Variants in MUC4 observed in about 807,000 individuals in gnomAD.
MUC4 encodes the protein mucin-4.
A neutral mutation model predicts 257.9 loss-of-function variants in MUC4; 202 were observed. That is an observed-to-expected ratio of 0.78 (90% CI 0.70 to 0.88). The LOEUF is 0.88. Ranked by LOEUF, MUC4 falls within the 40% of genes least tolerant of loss-of-function variation. MUC4 has a pLI of 0.00. For missense variants in MUC4, 5,976 were observed against 6,513.7 expected (o/e 0.92, Z 2.84); for synonymous variants, 2,351 against 2,757.1 (o/e 0.85, Z 4.62).
At chr3:195,794,017 A>G (rs1734217443) in intron 1 of MUC4, among the ~76,000 whole-genome samples, 1 of 151,754 alleles carries the variant, frequency 6.6e-6, no homozygotes, top group African/African-American at 2.4e-5. Flanking sequence ...CCAAGGTGGG[A>G]GGATCACTCG....
intron 7 of MUC4, among the ~76,000 whole-genome samples, chr3:195,767,847 T>TCACCACCACCAC (rs1721750041): frequency 2.2e-5 from 1 of 45,926 alleles, no homozygotes; most frequent in Non-Finnish European, 4.7e-5. Context: ...ACCACCACCA[T>TCACCACCACCAC]CGCCACCATC....
intron 15 of MUC4, 137 bp downstream of exon 15, chr3:195,761,347 G>C (rs1718858626): frequency 1.2e-6 from 1 of 813,252 alleles, no homozygotes; most frequent in African/African-American, 1.7e-5. Context: ...TGGTGGTGGG[G>C]ACAGCCCTGG....
rs1553558716 is a variant in MUC4 at position 195,782,299 on chromosome 3, A to C, written c.9281T>G (p.Leu3094Arg). Reference sequence around the variant, plus strand: ...GGTGTCACCTGTGGATACTGAGGAAAGGCTGGTGACAGGAAGAGGGGTGGC... The same window carrying C: ...GGTGTCACCTGTGGATACTGAGGAACGGCTGGTGACAGGAAGAGGGGTGGC... ...GHATPLPVTS[L>R]SSVSTGDTTP... Residue 3094 changes from leucine to arginine, a missense_variant, in exon 2 of 25, where the codon CTT becomes CGT. Leu to Arg is a moderately radical substitution (Grantham distance 102, BLOSUM62 -2). This residue lies in a region of MUC4 where 52 missense variants were observed against 102.2 expected (regional missense o/e 0.51). Coordinates refer to ENST00000463781, the MANE Select transcript of MUC4 (RefSeq NM_018406.7). 1.3e-4 allele frequency: 184 copies of C among 1,393,644 alleles called. 1 individual carries two copies. The highest frequency in any genetic ancestry group is 1.6e-4 in the Non-Finnish European group (168 of 1,064,418). The allele number at this position is 1,393,644 out of a possible 1,614,324, so 86.3% of individuals were successfully genotyped here.
At chr3:195,776,063 T>C in intron 3 of MUC4, among the ~76,000 whole-genome samples, 1 of 31,874 alleles carries the variant, frequency 3.1e-5, no homozygotes, top group Admixed American at 2.5e-4. Flanking sequence ...ACCCATACCT[T>C]CCACACCCTT....
At chr3:195,797,860 C>T (rs940744085) in intron 1 of MUC4, among the ~76,000 whole-genome samples, 2 of 152,048 alleles carry the variant, frequency 1.3e-5, no homozygotes, top group Admixed American at 1.3e-4. Flanking sequence ...AATCCCAGTG[C>T]TTTGAGAGGC....
chr3:195,781,612 G>C lies in MUC4; in HGVS notation c.9968C>G (p.Thr3323Arg), dbSNP rs1728089695. Residue 3323 changes from threonine (T) to arginine (R), a missense_variant, in exon 2 of 25, where the codon ACA becomes AGA. Physicochemically the swap from Thr to Arg is moderately conservative, Grantham distance 71. Transcript: ENST00000463781. ...GACATGAAGAGGGGTGGCGTGACCT[G>C]TGGATGCTGAGGAAGCGTCGGTGAC... ...LLVTDASSAS[T>R]GHATPLHVTS... 1 of 535,866 alleles carries C rather than the reference G, an allele frequency of 1.9e-6. No individual in the cohort carries two copies. Among genetic ancestry groups the C allele is most frequent in the South Asian group, 3.2e-5 (1 of 30,868 alleles). 33.2% of individuals were successfully genotyped at this position (535,866 alleles called of 1,614,324 possible). A position where few individuals can be genotyped will look rare whatever the true frequency, so the allele number is the denominator to read the frequency against.
chr3:195,759,222 T>G lies in MUC4; in HGVS notation c.14888A>C (p.Glu4963Ala), dbSNP rs1227317119. ...PPSINGGRVIEAYKGQTTLIQ... is the reference protein window; with the variant it reads ...PPSINGGRVIAAYKGQTTLIQ... ...CAGCGTGGTCTGCCCCTTGTAGGCTTCAATCACACGACCACCATTGATGGA... is the reference window on the plus strand; with the variant it reads ...CAGCGTGGTCTGCCCCTTGTAGGCTGCAATCACACGACCACCATTGATGGA... The change falls in exon 17 of 25, where the codon GAA (glutamate) becomes GCA (alanine). Residue 4963 changes from glutamate (E) to alanine (A), a missense_variant. This residue lies in a region of MUC4 where 996 missense variants were observed against 1,137.3 expected (regional missense o/e 0.88). Coordinates refer to ENST00000463781, the MANE Select transcript of MUC4 (RefSeq NM_018406.7). The G allele has an allele frequency of 1.2e-6, 2 of 1,614,060 alleles. No individual in the cohort carries two copies. The highest frequency in any genetic ancestry group is 1.7e-6 in the Non-Finnish European group (2 of 1,179,990).
In MUC4 at chr3:195,755,315, C is replaced by T. The variant is rs1479490011; in HGVS notation, c.15169-943G>A. Among the ~76,000 whole-genome samples, 1 of 152,078 alleles carries T rather than the reference C, an allele frequency of 6.6e-6. No individual in the cohort carries two copies. The highest frequency in any genetic ancestry group is 1.5e-5 in the Non-Finnish European group (1 of 68,024). On this transcript the variant is annotated intron_variant, in intron 18 of 24. Coordinates refer to ENST00000463781, the MANE Select transcript of MUC4 (RefSeq NM_018406.7). This position sits in a 1 kb window ranked among gnomAD's most constrained non-coding sequence, Gnocchi z 5.0. ...AGTTAAAGCAATTCTTGTGCCTCAG[C>T]CTCCCAAATACTTGAGATTACAGGC...
chr3:195,781,587 G>T lies in MUC4; in HGVS notation c.9993C>A (p.Val3331=), dbSNP rs776244635. 55 of 556,660 alleles carry T rather than the reference G, an allele frequency of 9.9e-5. 1 individual carries two copies. The highest frequency in any genetic ancestry group is 1.4e-4 in the Non-Finnish European group (55 of 398,496). The allele number at this position is 556,660 out of a possible 1,614,324, so 34.5% of individuals were successfully genotyped here. A position where few individuals can be genotyped will look rare whatever the true frequency, so the allele number is the denominator to read the frequency against. The change falls in exon 2 of 25, where the codon GTC becomes GTA. Residue 3331 remains valine, a synonymous_variant. Coordinates refer to ENST00000463781, the MANE Select transcript of MUC4 (RefSeq NM_018406.7). ...CTGTGGATGCTGAGGAAGGGCTGGT[G>T]ACATGAAGAGGGGTGGCGTGACCTG... ...ASTGHATPLH[V]TSPSSASTGD... is the part of the protein sequence containing the mutation.
At chr3:195,800,129 T>C (rs1191242721) in intron 1 of MUC4, among the ~76,000 whole-genome samples, 2 of 151,990 alleles carry the variant, frequency 1.3e-5, no homozygotes, top group African/African-American at 4.8e-5. Context: ...AATACAAAAA[T>C]TACCCAGGCA....
At chr3:195,760,363 T>C (rs1718511932) in intron 16 of MUC4, among the ~76,000 whole-genome samples, 1 of 152,124 alleles carries the variant, frequency 6.6e-6, no homozygotes, top group Admixed American at 6.5e-5. Flanking sequence ...AGGAAGGGTA[T>C]TCCAGGCAAG....
Position 195,786,317 on chromosome 3 carries a change from T to G in MUC4, c.5263A>C (p.Thr1755Pro). The change falls in exon 2 of 25, where the codon ACA (threonine) becomes CCA (proline). Residue 1755 changes from threonine (T) to proline (P), a missense_variant. By Grantham distance (38) the Thr-to-Pro change is conservative. Coordinates refer to ENST00000463781, the MANE Select transcript of MUC4 (RefSeq NM_018406.7). ...ACAGGAAGAGGGGTGGCCTGACCTG[T>G]GGATGCTGAGGAAGCGTCAGTGACA... ...LLVTDASSAS[T>P]GQATPLPVTD... 1.3e-6 allele frequency: 2 copies of G among 1,519,794 alleles called. No homozygotes were observed. The highest frequency in any genetic ancestry group is 2.5e-5 in the East Asian group (1 of 40,334). The allele number at this position is 1,519,794 out of a possible 1,614,324, so 94.1% of individuals were successfully genotyped here.
intron 1 of MUC4, among the ~76,000 whole-genome samples, chr3:195,806,770 C>G (rs908401757): frequency 3.9e-5 from 6 of 152,196 alleles, no homozygotes. Flanking sequence ...CTTATGGGTT[C>G]TATGATCTTA....
rs781459063 is a variant in MUC4 at position 195,779,987 on chromosome 3, C to T, written c.11593G>A (p.Ala3865Thr). The stretch of plus-strand genomic sequence containing the variant: ...AGAGGGGTGGCGTGACCTGTGGATG[C>T]TGAGGAAGGGCTAGTGACAGGAAGA... ...MPLPVTSPSS[A>T]STGHATPLPV... The change falls in exon 2 of 25, where the codon GCA becomes ACA. Residue 3865 changes from alanine to threonine, a missense_variant. Ala to Thr is a moderately conservative substitution (Grantham distance 58). Around this residue, in one of 44 missense-constraint regions of MUC4, gnomAD observed 330 missense variants for 262.0 expected, o/e 1.26. Coordinates refer to ENST00000463781, the MANE Select transcript of MUC4 (RefSeq NM_018406.7). The T allele has an allele frequency of 3.8e-5, 54 of 1,427,488 alleles. 3 individuals carry two copies. Among genetic ancestry groups the T allele is most frequent in the Non-Finnish European group, 4.7e-5 (51 of 1,080,266 alleles). The allele number at this position is 1,427,488 out of a possible 1,614,324, so 88.4% of individuals were successfully genotyped here.
Position 195,783,442 on chromosome 3 carries a change from G to T in MUC4, c.8138C>A (p.Ala2713Glu). 9 of 744,316 alleles carry T rather than the reference G, an allele frequency of 1.2e-5. No individual in the cohort carries two copies. In the South Asian group the frequency reaches 2.0e-4, roughly 16 times the overall value. 46.1% of individuals were successfully genotyped at this position (744,316 alleles called of 1,614,324 possible). ...TSLPVTDTSS[A>E]YTGDTTSLPV... The stretch of plus-strand genomic sequence containing the variant: ...AAGAGAGGTGGTGTCACCTGTGTAT[G>T]CTGAGGAAGTGTCGGTGACAGGAAG... Residue 2713 changes from alanine (A) to glutamate (E), a missense_variant, in exon 2 of 25, where the codon GCA becomes GAA. Ala to Glu is a moderately radical substitution (Grantham distance 107, BLOSUM62 -1). Transcript: ENST00000463781.
intron 1 of MUC4, among the ~76,000 whole-genome samples, chr3:195,805,492 C>T (rs1397059467): frequency 2.0e-5 from 3 of 152,322 alleles, no homozygotes; most frequent in African/African-American, 7.2e-5. Flanking sequence ...CAGGCACATC[C>T]TCCTAGCCTA....
chr3:195,795,846 A>C (rs111932313), intron 1 of MUC4, among the ~76,000 whole-genome samples: 3 of 10,190 alleles, frequency 2.9e-4, no homozygotes. Context: ...AAAGTGGGGG[A>C]GGGGGGTGGG....
intron 12 of MUC4, 85 bp downstream of exon 12, chr3:195,763,348 C>A (rs527660362): frequency 7.6e-7 from 1 of 1,312,672 alleles, no homozygotes; most frequent in Non-Finnish European, 9.9e-7. Context: ...CCCTCCTTCG[C>A]TCTCTTCCTT....
At position 195,781,659 on chromosome 3, in the gene MUC4, T is replaced by A. The variant is rs1412319406; in HGVS notation, c.9921A>T (p.Thr3307=). 2.4e-6 allele frequency: 1 copy of A among 416,622 alleles called. No homozygotes were observed. Among genetic ancestry groups the A allele is most frequent in the Middle Eastern group, 6.9e-4 (1 of 1,454 alleles). The allele number at this position is 416,622 out of a possible 1,614,324, so 25.8% of individuals were successfully genotyped here. A position where few individuals can be genotyped will look rare whatever the true frequency, so the allele number is the denominator to read the frequency against. ...LLVTETSSVS[T]GHATPLLVTD... ...TGACAAGAAGAGGAGTGGCGTGACC[T>A]GTGGATACTGAGGAAGTCTCGGTGA... The change falls in exon 2 of 25, where the codon ACA becomes ACT. Residue 3307 remains threonine (T), a synonymous_variant. Transcript: ENST00000463781.
Sources: gnomAD v4.1 joint callset for allele counts (sites outside exome capture counted in the v4.1 genomes callset) on GRCh38, gnomAD v4.1.1 for gene constraint, gnomAD v4.1.1 regional missense constraint, Gnocchi (gnomAD v3.1) non-coding constraint, MANE v1.5 for transcripts, NCBI Gene and HGNC (gene_info 2026-07-23, HGNC 2026-07-21) for gene names.